The following RSPH6A variants were observed in gnomAD, a reference collection of about 807,000 sequenced individuals.
RSPH6A encodes the protein radial spoke head 6 homolog A.
A neutral mutation model predicts 66.1 loss-of-function variants in RSPH6A; 49 were observed. The ratio of observed to expected loss-of-function variants is 0.74; its 90% CI spans 0.59 to 0.94. The LOEUF is 0.94. RSPH6A is among the 40% of genes least tolerant of loss of function. The pLI is 0.00. For missense variants in RSPH6A, 977 were observed against 948.3 expected (o/e 1.03, Z -0.40); for synonymous variants, 419 against 402.4 (o/e 1.04, Z -0.49).
In RSPH6A at chr19:45,814,662, G is replaced by A. The variant is rs374704931; in HGVS notation, c.515C>T (p.Ala172Val). 1 of 1,610,898 alleles carries A rather than the reference G, an allele frequency of 6.2e-7. No individual in the cohort carries two copies. Reference protein sequence around the residue: ...QHGPYIRDDPALQFLPSELGF... With the variant: ...QHGPYIRDDPVLQFLPSELGF... Reference sequence around the variant, plus strand: ...CAGCTCAGAGGGCAAGAACTGAAGGGCAGGGTCATCCCTTATGTAAGGCCC... The same window carrying A: ...CAGCTCAGAGGGCAAGAACTGAAGGACAGGGTCATCCCTTATGTAAGGCCC... The change falls in exon 1 of 6, where the codon GCC becomes GTC. Residue 172 changes from alanine (A) to valine (V), a missense_variant. Transcript: ENST00000221538.
At chr19:45,809,344 G>A (rs1366144560) in intron 2 of RSPH6A, among the ~76,000 whole-genome samples, 2 of 116,588 alleles carry the variant, frequency 1.7e-5, no homozygotes, top group East Asian at 2.7e-4. Flanking sequence ...TCGCTCTGTC[G>A]CCCAGGCTGG....
chr19:45,800,624 T>G lies in RSPH6A; in HGVS notation c.1799-61A>C, dbSNP rs1970459351. 5.0e-5 allele frequency: 71 copies of G among 1,409,498 alleles called. 1 individual carries two copies. The South Asian group carries it at 8.7e-4, about 17-fold the overall frequency. The allele number at this position is 1,409,498 out of a possible 1,614,324, so 87.3% of individuals were successfully genotyped here. A position where few individuals can be genotyped will look rare whatever the true frequency, so the allele number is the denominator to read the frequency against. ...TCAGGGAGGCCCCCAGGCCCTGCACTGCACCCTGAAGGAAGGAAGGCAGCA... is the reference window on the plus strand; with the variant it reads ...TCAGGGAGGCCCCCAGGCCCTGCACGGCACCCTGAAGGAAGGAAGGCAGCA... On this transcript the variant is annotated intron_variant, in intron 4 of 5. Coordinates refer to ENST00000221538, the MANE Select transcript of RSPH6A (RefSeq NM_030785.4).
rs771227158 is a variant in RSPH6A, at chr19:45,804,925, A to G, written c.980T>C (p.Phe327Ser). 6.2e-7 allele frequency: 1 copy of G among 1,614,200 alleles called. No individual in the cohort carries two copies. Among genetic ancestry groups the G allele is most frequent in the East Asian group, 2.2e-5 (1 of 44,884 alleles). Residue 327 changes from phenylalanine to serine, a missense_variant, in exon 3 of 6, where the codon TTC (phenylalanine) becomes TCC (serine). Physicochemically the swap from Phe to Ser is radical, Grantham distance 155. Transcript: ENST00000221538. This position sits in a 1 kb window ranked among gnomAD's most constrained non-coding sequence, Gnocchi z 5.8. ...CTCCACCAGCTGTTTCATGGCCAGG[A>G]AAATGCGGAAGCTCTCGTCCGAGCT... ...GLSSDESFRIFLAMKQLVEQQ... is the reference protein window; with the variant it reads ...GLSSDESFRISLAMKQLVEQQ...
chr19:45,800,314 G>A lies in RSPH6A; in HGVS notation c.1916+132C>T, dbSNP rs552528049. The A allele has an allele frequency of 3.0e-3, 2,143 of 716,636 alleles. 4 individuals are homozygous for A. The highest frequency in any genetic ancestry group is 4.0e-3 in the Non-Finnish European group (1,687 of 423,938). The allele number at this position is 716,636 out of a possible 1,614,324, so 44.4% of individuals were successfully genotyped here. On this transcript the variant is annotated intron_variant, in intron 5 of 5. Coordinates refer to ENST00000221538, the MANE Select transcript of RSPH6A (RefSeq NM_030785.4). ...TGGTGAAACTCCTAGGAGCTATGAGGGCATTAGTCCTTGGGGCTTCCTGAA... is the reference window on the plus strand; with the variant it reads ...TGGTGAAACTCCTAGGAGCTATGAGAGCATTAGTCCTTGGGGCTTCCTGAA...
intron 2 of RSPH6A, among the ~76,000 whole-genome samples, chr19:45,808,995 G>A (rs1374535175): frequency 8.3e-6 from 1 of 120,662 alleles, no homozygotes; most frequent in Non-Finnish European, 1.6e-5. Flanking sequence ...TCTTTTTTTT[G>A]TTTTTTGCTT....
intron 5 of RSPH6A, among the ~76,000 whole-genome samples, chr19:45,799,515 A>G (rs1970444084): frequency 6.6e-6 from 1 of 151,898 alleles, no homozygotes; most frequent in African/African-American, 2.4e-5. Context: ...AGTCCGTGCC[A>G]TCATGCCGGG....
At chr19:45,806,157 G>A (rs1337062777) in intron 2 of RSPH6A, among the ~76,000 whole-genome samples, 1 of 152,178 alleles carries the variant, frequency 6.6e-6, no homozygotes, top group East Asian at 1.9e-4. Flanking sequence ...GACAGGTCTC[G>A]AACGGAGGAG....
At chr19:45,814,163 A>G (rs966661239) in intron 1 of RSPH6A, among the ~76,000 whole-genome samples, 6 of 151,026 alleles carry the variant, frequency 4.0e-5, no homozygotes, top group African/African-American at 4.9e-5. Context: ...TGTCTGGGGG[A>G]AAAAAAAAGC....
intron 4 of RSPH6A, among the ~76,000 whole-genome samples, 167 bp from the exon 5 acceptor site, chr19:45,800,730 CCACACACACACACACACACACA>C (rs3045732): frequency 4.4e-5 from 5 of 113,356 alleles, no homozygotes; most frequent in South Asian, 3.2e-4. Flanking sequence ...TCGCTGCAGA[CCACACACACACACACACACACA>C]CACACACACA....
chr19:45,799,438 T>A (rs1451632723), intron 5 of RSPH6A, among the ~76,000 whole-genome samples: 1 of 152,220 alleles, frequency 6.6e-6, no homozygotes, highest in Non-Finnish European at 1.5e-5. Context: ...CACAGCTCAC[T>A]GCAACCTCGA....
Position 45,804,712 on chromosome 19 carries a change from T to C in RSPH6A, c.1193A>G (p.Lys398Arg). Reference protein sequence around the residue: ...GEEEGEEDEEKAVDIVPKSVW... With the variant: ...GEEEGEEDEERAVDIVPKSVW... ...GGACTTAGGGACGATGTCCACGGCC[T>C]TCTCCTCGTCCTCCTCGCCCTCCTC... The change falls in exon 3 of 6, where the codon AAG becomes AGG. Residue 398 changes from lysine to arginine, a missense_variant. By Grantham distance (26) the Lys-to-Arg change is conservative. Coordinates refer to ENST00000221538, the MANE Select transcript of RSPH6A (RefSeq NM_030785.4). This position sits in a 1 kb window ranked among gnomAD's most constrained non-coding sequence, Gnocchi z 5.8. 6.2e-7 allele frequency: 1 copy of C among 1,613,382 alleles called. No homozygotes were observed. The highest frequency in any genetic ancestry group is 8.5e-7 in the Non-Finnish European group (1 of 1,179,854).
Position 45,796,034 on chromosome 19 carries a change from G to T in RSPH6A, c.1989C>A (p.Ala663=). 6.2e-7 allele frequency: 1 copy of T among 1,613,732 alleles called. No homozygotes were observed. Among genetic ancestry groups the T allele is most frequent in the East Asian group, 2.2e-5 (1 of 44,868 alleles). ...CACTGGGGTACTCTTGTTGAATGGG[G>T]GCTGGCAGGGCCGGGTTGAAGCTCT... The part of the protein sequence containing the change: ...SPESFNPALP[A]PIQQEYPSGP... The change falls in exon 6 of 6, where the codon GCC becomes GCA. Residue 663 remains alanine (A), a synonymous_variant. Coordinates refer to ENST00000221538, the MANE Select transcript of RSPH6A (RefSeq NM_030785.4).
chr19:45,803,277 G>A (rs1330199832), intron 3 of RSPH6A, among the ~76,000 whole-genome samples: 1 of 151,918 alleles, frequency 6.6e-6, no homozygotes, highest in Non-Finnish European at 1.5e-5. Context: ...CTACTCGGGA[G>A]GCTAAGGTGG....
Position 45,805,377 on chromosome 19 carries a change from C to A in RSPH6A, c.889-361G>T, listed in dbSNP as rs141846374. 9.5e-3 allele frequency among the ~76,000 whole-genome samples: 1,432 copies of A among 151,096 alleles called. 21 individuals carry two copies. The highest frequency in any genetic ancestry group is 0.033 in the African/African-American group (1,353 of 41,090). On this transcript the variant is annotated intron_variant, in intron 2 of 5. Transcript: ENST00000221538. ...GCTCCACGCACTCCAGCCTGAGCAACAAAGTGAGACACGGTCTCAAAAAAT... is the reference window on the plus strand; with the variant it reads ...GCTCCACGCACTCCAGCCTGAGCAAAAAAGTGAGACACGGTCTCAAAAAAT...
intron 5 of RSPH6A, among the ~76,000 whole-genome samples, chr19:45,798,161 C>G (rs1970428396): frequency 6.6e-6 from 1 of 151,450 alleles, no homozygotes; most frequent in South Asian, 2.1e-4. Context: ...GAGTTCGAGA[C>G]CAGCCTGGCC....
rs1452330170 is a variant in RSPH6A, at chr19:45,795,964, G to T, written c.2059C>A (p.Gln687Lys). 6.2e-7 allele frequency: 1 copy of T among 1,613,770 alleles called. No homozygotes were observed. ...TGTTCCTGGGCTGCTTTCAGAGCCT[G>T]CTCCTCTTCCACTGTGGGGTCACTC... ...EMSDPTVEEE[Q>K]ALKAAQEQAL... Residue 687 changes from glutamine (Q) to lysine (K), a missense_variant, in exon 6 of 6, where the codon CAG (glutamine) becomes AAG (lysine). Gln to Lys is a moderately conservative substitution (Grantham distance 53). Transcript: ENST00000221538.
intron 1 of RSPH6A, among the ~76,000 whole-genome samples, chr19:45,812,322 C>G (rs1001564042): frequency 2.6e-5 from 4 of 152,092 alleles, no homozygotes. Flanking sequence ...CTCCTGGACT[C>G]AAGTGATCTG....
rs181760577 is a variant in RSPH6A, at chr19:45,813,724, A to G, written c.650+803T>C. On this transcript the variant is annotated intron_variant, in intron 1 of 5. Transcript: ENST00000221538. ...CCTGAGTCCTTAGCTTCAGTTTATCACTTTTTCTGTTTCTTGTCCACTCTC... is the reference window on the plus strand; with the variant it reads ...CCTGAGTCCTTAGCTTCAGTTTATCGCTTTTTCTGTTTCTTGTCCACTCTC... Among the ~76,000 whole-genome samples, 30 of 152,172 alleles carry G rather than the reference A, an allele frequency of 2.0e-4. No homozygotes were observed. In the East Asian group the frequency reaches 4.3e-3, roughly 22 times the overall value.
intron 5 of RSPH6A, among the ~76,000 whole-genome samples, chr19:45,799,950 G>C (rs889495121): frequency 5.3e-5 from 8 of 152,180 alleles, no homozygotes; most frequent in Non-Finnish European, 5.9e-5. Flanking sequence ...GGGAGGCTGA[G>C]GGAGGAGAAT....
Sources: gnomAD v4.1 joint callset for allele counts (sites outside exome capture counted in the v4.1 genomes callset) on GRCh38, gnomAD v4.1.1 for gene constraint, Gnocchi (gnomAD v3.1) non-coding constraint, MANE v1.5 for transcripts, NCBI Gene and HGNC (gene_info 2026-07-23, HGNC 2026-07-21) for gene names.